CSMD1: variants seen among roughly 807,000 people sequenced by gnomAD.
CSMD1 encodes the protein CUB and sushi domain-containing protein 1.
In CSMD1, 213 loss-of-function variants were observed where a neutral mutation model predicts 417.5. The observed-to-expected ratio is 0.51, with a 90% CI of 0.46 to 0.57. The LOEUF is 0.57. Ranked by LOEUF, CSMD1 falls within the 20% of genes least tolerant of loss-of-function variation. The pLI is 0.00. For missense variants in CSMD1, 6,923 were observed against 4,529.7 expected (o/e 1.53, Z -15.17); for synonymous variants, 2,862 against 1,736.8 (o/e 1.65, Z -16.11).
At chr8:4,493,775 C>T (rs1282267865) in intron 2 of CSMD1, among the ~76,000 whole-genome samples, 1 of 152,020 alleles carries the variant, frequency 6.6e-6, no homozygotes, top group Non-Finnish European at 1.5e-5. Flanking sequence ...CAACTCTATC[C>T]CTAAGAATAG....
intron 10 of CSMD1, among the ~76,000 whole-genome samples, chr8:3,497,111 G>A (rs1314148574): frequency 2.6e-5 from 4 of 152,168 alleles, no homozygotes; most frequent in South Asian, 2.1e-4. Flanking sequence ...AGAAAAATGT[G>A]TATTATGCAG....
intron 7 of CSMD1, among the ~76,000 whole-genome samples, chr8:3,658,547 C>G (rs1008816159): frequency 1.3e-5 from 2 of 150,988 alleles, no homozygotes; most frequent in Admixed American, 1.3e-4. Context: ...CTTTGGGAGG[C>G]CAAGGCAGGT....
chr8:3,762,547 C>G (rs548298278), intron 5 of CSMD1, among the ~76,000 whole-genome samples: 6 of 152,362 alleles, frequency 3.9e-5, no homozygotes, highest in African/African-American at 1.4e-4. Context: ...GTCTGTAGCA[C>G]AGGCGTGTAA....
chr8:3,818,615 G>T (rs1363694233), intron 5 of CSMD1, among the ~76,000 whole-genome samples: 2 of 151,970 alleles, frequency 1.3e-5, no homozygotes, highest in Non-Finnish European at 2.9e-5. Flanking sequence ...GGAGAAACAG[G>T]GTCCCATGGG....
intron 25 of CSMD1, among the ~76,000 whole-genome samples, chr8:3,296,066 G>C (rs567827283): frequency 6.6e-6 from 1 of 151,956 alleles, no homozygotes; most frequent in Non-Finnish European, 1.5e-5. Flanking sequence ...AATGAGTGAA[G>C]AATATGGAAT....
At chr8:3,934,350 G>C (rs1451292924) in intron 5 of CSMD1, among the ~76,000 whole-genome samples, 2 of 152,082 alleles carry the variant, frequency 1.3e-5, no homozygotes, top group Non-Finnish European at 1.5e-5. Context: ...AAAAAGAGGA[G>C]AAAAATACAT....
chr8:4,424,728 C>G (rs1407487486), intron 2 of CSMD1, among the ~76,000 whole-genome samples: 1 of 152,014 alleles, frequency 6.6e-6, no homozygotes, highest in Non-Finnish European at 1.5e-5. Context: ...TGCATTTGCC[C>G]TAGAAATGCT....
chr8:4,980,223 T>C (rs1263127614), intron 1 of CSMD1, among the ~76,000 whole-genome samples: 1 of 152,224 alleles, frequency 6.6e-6, no homozygotes, highest in African/African-American at 2.4e-5. Flanking sequence ...GGTTGGATAC[T>C]GTGCTTATCC....
intron 12 of CSMD1, among the ~76,000 whole-genome samples, chr8:3,440,776 T>C (rs1243021527): frequency 6.6e-6 from 1 of 152,202 alleles, no homozygotes; most frequent in Non-Finnish European, 1.5e-5. Flanking sequence ...TAAGTGTTTT[T>C]TTGTTTTGTT....
chr8:4,155,040 T>A (rs1387061650), intron 3 of CSMD1, among the ~76,000 whole-genome samples: 1 of 152,192 alleles, frequency 6.6e-6, no homozygotes, highest in Non-Finnish European at 1.5e-5. Context: ...AACCTAACAC[T>A]GCTGCAGAAT....
chr8:3,513,362 G>C (rs1042125481), intron 10 of CSMD1, among the ~76,000 whole-genome samples: 1 of 149,216 alleles, frequency 6.7e-6, no homozygotes, highest in African/African-American at 2.5e-5. Flanking sequence ...TTGAGATGGA[G>C]TCTTACTTTG....
intron 10 of CSMD1, among the ~76,000 whole-genome samples, chr8:3,549,426 T>C (rs1358010543): frequency 6.6e-6 from 1 of 152,232 alleles, no homozygotes; most frequent in Non-Finnish European, 1.5e-5. Flanking sequence ...TTTGAATGTT[T>C]ATGGCCTTTG....
At chr8:3,284,505 C>G in intron 25 of CSMD1, 159 bp from the exon 26 acceptor site, 4 of 628,160 alleles carry the variant, frequency 6.4e-6, no homozygotes, top group Non-Finnish European at 1.1e-5. Context: ...AAATGAGGCT[C>G]ACCGAAGATA....
chr8:3,596,692 T>C (rs1214091744), intron 8 of CSMD1, among the ~76,000 whole-genome samples: 1 of 152,082 alleles, frequency 6.6e-6, no homozygotes, highest in Non-Finnish European at 1.5e-5. Flanking sequence ...AACCACAGTA[T>C]CCAGGCTTAA....
intron 5 of CSMD1, among the ~76,000 whole-genome samples, chr8:3,903,508 T>C (rs573785427): frequency 2.0e-5 from 3 of 152,330 alleles, no homozygotes; most frequent in Admixed American, 6.5e-5. Flanking sequence ...AGTGTGCTTC[T>C]CATATACAGA....
At chr8:3,662,721 C>T (rs1798482887) in intron 7 of CSMD1, among the ~76,000 whole-genome samples, 1 of 152,132 alleles carries the variant, frequency 6.6e-6, no homozygotes, top group South Asian at 2.1e-4. Flanking sequence ...CCATCATTCT[C>T]AGCAAACTGA....
chr8:3,627,522 T>C (rs184242033), intron 7 of CSMD1, among the ~76,000 whole-genome samples: 49 of 152,336 alleles, frequency 3.2e-4, no homozygotes, highest in African/African-American at 1.1e-3. Flanking sequence ...ATGAGACTAC[T>C]TTTAGTATGT....
intron 29 of CSMD1, 74 bp from the exon 30 acceptor site, chr8:3,214,765 G>T (rs1275095758): frequency 3.2e-6 from 4 of 1,255,414 alleles, no homozygotes; most frequent in Non-Finnish European, 4.4e-6. Flanking sequence ...TTGTTGGGTT[G>T]GTTCTTTAAT....
At chr8:4,130,619 C>A (rs1004219464) in intron 3 of CSMD1, among the ~76,000 whole-genome samples, 4 of 152,054 alleles carry the variant, frequency 2.6e-5, no homozygotes, top group Admixed American at 6.6e-5. Context: ...TGTCTTCTAC[C>A]ATTTAATTTG....
Sources: gnomAD v4.1 joint callset for allele counts (sites outside exome capture counted in the v4.1 genomes callset) on GRCh38, gnomAD v4.1.1 for gene constraint, MANE v1.5 for transcripts, NCBI Gene and HGNC (gene_info 2026-07-23, HGNC 2026-07-21) for gene names.